CLUAP1: variants seen among roughly 807,000 people sequenced by gnomAD.
The protein encoded by CLUAP1 is intraflagellar transport 38, also known as clusterin-associated protein 1.
Under a neutral mutation model 55.0 loss-of-function variants are expected in CLUAP1, and 50 were observed. The observed-to-expected ratio is 0.91, with a 90% CI of 0.72 to 1.15. The LOEUF is 1.15. Ranked by LOEUF, CLUAP1 falls within the 50% of genes most tolerant of loss-of-function variation. The pLI, the probability that CLUAP1 is intolerant of heterozygous loss-of-function variation, is 0.00. For synonymous variants in CLUAP1, 195 were observed against 175.4 expected, an observed-to-expected ratio of 1.11 and a Z score of -0.88; for missense variants, 530 against 507.6, an observed-to-expected ratio of 1.04 and a Z score of -0.42.
At chr16:3,496,886 T>G (rs2037319676), upstream of CLUAP1, 1 of 306,400 alleles carries the variant, frequency 3.3e-6, no homozygotes, top group Admixed American at 4.1e-5. Context: ...TTTTTTTTTT[T>G]TTAAGATGGA....
intron 5 of CLUAP1, among the ~76,000 whole-genome samples, chr16:3,514,030 A>G (rs1188169833): frequency 2.0e-5 from 3 of 152,228 alleles, no homozygotes; most frequent in African/African-American, 4.8e-5. Flanking sequence ...TGTGGTTGGC[A>G]GAATGAAACT....
chr16:3,508,474 G>A lies in CLUAP1; in HGVS notation c.399+6G>A, dbSNP rs1486539262. 2.6e-6 allele frequency: 4 copies of A among 1,563,124 alleles called. No individual in the cohort carries two copies. The highest frequency in any genetic ancestry group is 2.2e-5 in the Admixed American group (1 of 45,032). ...AGTTTGATCTTGGCTCAAAGGTAAGGACAACAAAAGCCTTGTAGTGGGCGA... is the reference window on the plus strand; with the variant it reads ...AGTTTGATCTTGGCTCAAAGGTAAGAACAACAAAAGCCTTGTAGTGGGCGA... On this transcript the variant is annotated splice_donor_region_variant and intron_variant, in intron 4 of 11. Transcript: ENST00000576634.
intron 10 of CLUAP1, 95 bp from the exon 11 acceptor site, chr16:3,532,691 G>T: frequency 7.5e-7 from 1 of 1,340,952 alleles, no homozygotes; most frequent in Non-Finnish European, 1.1e-6. Flanking sequence ...ATACGCAAAA[G>T]CCAACATGCC....
chr16:3,514,594 G>A (rs1283595022), intron 5 of CLUAP1, among the ~76,000 whole-genome samples: 1 of 152,194 alleles, frequency 6.6e-6, no homozygotes, highest in Non-Finnish European at 1.5e-5. Flanking sequence ...TAAGCTGAGT[G>A]ACTTATAAAT....
chr16:3,496,120 T>A, upstream of CLUAP1: 1 of 377,270 alleles, frequency 2.7e-6, no homozygotes, highest in Middle Eastern at 9.5e-4. Flanking sequence ...CAGCCTGGGC[T>A]GCAGAGCGAG....
intron 2 of CLUAP1, 23 bp downstream of exon 2, chr16:3,504,854 A>G (rs755013780): frequency 2.4e-6 from 3 of 1,270,892 alleles, no homozygotes; most frequent in African/African-American, 2.9e-5. Flanking sequence ...CTTTATTGAC[A>G]TCTAAGAGTG....
chr16:3,509,678 G>A (rs1210842301), intron 4 of CLUAP1, among the ~76,000 whole-genome samples: 1 of 152,240 alleles, frequency 6.6e-6, no homozygotes, highest in African/African-American at 2.4e-5. Flanking sequence ...GCACCTAAGA[G>A]TGTGGCCACG....
chr16:3,514,328 A>G (rs2037690228), intron 5 of CLUAP1, among the ~76,000 whole-genome samples: 3 of 152,154 alleles, frequency 2.0e-5, no homozygotes, highest in Admixed American at 6.5e-5. Context: ...GTACTTGTCA[A>G]ATTCTGTGTG....
intron 9 of CLUAP1, among the ~76,000 whole-genome samples, chr16:3,529,605 TATATTATATA>T (rs2038039627): frequency 2.4e-5 from 1 of 42,100 alleles, no homozygotes; most frequent in Non-Finnish European, 3.6e-5. Context: ...TTATATATTA[TATATTATATA>T]ATATTATATA....
intron 5 of CLUAP1, among the ~76,000 whole-genome samples, chr16:3,513,165 C>T (rs1221293544): frequency 6.6e-6 from 1 of 152,222 alleles, no homozygotes; most frequent in Non-Finnish European, 1.5e-5. Flanking sequence ...CCAGTGCAAA[C>T]ACCTGGGGAC....
intron 1 of CLUAP1, 49 bp downstream of exon 1, chr16:3,501,138 G>C: frequency 6.5e-7 from 1 of 1,548,906 alleles, no homozygotes. Context: ...CAGAGATTCA[G>C]GGCTCCCGCC....
chr16:3,529,682 T>TA (rs2038052647), intron 9 of CLUAP1, among the ~76,000 whole-genome samples: 1 of 6,560 alleles, frequency 1.5e-4, no homozygotes, highest in African/African-American at 1.1e-3. Flanking sequence ...ATATATTATA[T>TA]ATTATTATAT....
upstream of CLUAP1, among the ~76,000 whole-genome samples, chr16:3,498,504 A>T (rs1056933053): frequency 1.3e-5 from 2 of 152,164 alleles, no homozygotes; most frequent in Non-Finnish European, 2.9e-5. Flanking sequence ...TTGGAAAAGC[A>T]AATCTTCAGA....
At position 3,536,323 on chromosome 16, in the gene CLUAP1, A is replaced by C; in HGVS notation, c.*52A>C. ...TTAAAACCCTCAGACTTGTAGGTAA[A>C]TGGGAACTTAGAAGGTTAGGAAGGT... On this transcript the variant is annotated 3_prime_UTR_variant, in exon 12 of 12. Transcript: ENST00000576634. The C allele has an allele frequency of 6.3e-7, 1 of 1,586,952 alleles. No homozygotes were observed. The highest frequency in any genetic ancestry group is 8.6e-7 in the Non-Finnish European group (1 of 1,163,222).
rs1184378641 is a variant in CLUAP1 at position 3,501,090 on chromosome 16, G to A, written c.22+1G>A. The A allele has an allele frequency of 1.3e-6, 2 of 1,595,032 alleles. No homozygotes were observed. Among genetic ancestry groups the A allele is most frequent in the Non-Finnish European group, 1.7e-6 (2 of 1,175,502 alleles). On this transcript the variant is annotated splice_donor_variant, in intron 1 of 11. Coordinates refer to ENST00000576634, the MANE Select transcript of CLUAP1 (RefSeq NM_015041.3). LOFTEE classifies it high-confidence loss of function. The stretch of plus-strand genomic sequence containing the variant: ...GTTATGTCTTTCCGCGACCTCCGCA[G>A]TAAGGCAGCCCCGCGCCCCTGTGAC...
chr16:3,502,083 T>A (rs1441693399), intron 1 of CLUAP1: 1 of 152,172 alleles, frequency 6.6e-6, no homozygotes. Context: ...TCTGCAGGGC[T>A]GGTAAGGAGA....
chr16:3,518,094 C>A (rs1048055254), intron 6 of CLUAP1, among the ~76,000 whole-genome samples: 1 of 152,092 alleles, frequency 6.6e-6, no homozygotes, highest in Non-Finnish European at 1.5e-5. Flanking sequence ...AGGAAATACA[C>A]GCTAAAGTAT....
chr16:3,515,136 G>A (rs2037705301), intron 5 of CLUAP1, among the ~76,000 whole-genome samples: 1 of 152,022 alleles, frequency 6.6e-6, no homozygotes, highest in East Asian at 1.9e-4. Flanking sequence ...GGAGACCAAG[G>A]AACGTGGATC....
chr16:3,509,197 C>G (rs2037569811), intron 4 of CLUAP1, among the ~76,000 whole-genome samples: 1 of 152,140 alleles, frequency 6.6e-6, no homozygotes, highest in African/African-American at 2.4e-5. Flanking sequence ...GCAGTCAAGC[C>G]ATGTTCATGG....
Sources: allele counts gnomAD v4.1 joint callset (sites outside exome capture counted in the v4.1 genomes callset), GRCh38; gene constraint gnomAD v4.1.1; transcripts MANE v1.5; gene names NCBI Gene and HGNC (gene_info 2026-07-23, HGNC 2026-07-21).